The following ASMTL variants were observed in gnomAD, a reference collection of about 807,000 sequenced individuals.
The protein encoded by ASMTL is probable bifunctional dTTP/UTP pyrophosphatase/methyltransferase protein.
A neutral mutation model predicts 60.3 loss-of-function variants in ASMTL; 57 were observed. That is an observed-to-expected ratio of 0.95 (90% CI 0.76 to 1.18). ASMTL has a LOEUF of 1.18. Ranked by LOEUF, ASMTL falls within the 50% of genes most tolerant of loss-of-function variation. The probability of loss-of-function intolerance (pLI) is 0.00; values close to 1 mark genes in which losing one functional copy is unlikely to be tolerated. For missense variants in ASMTL, 981 were observed against 852.6 expected (o/e 1.15, Z -1.88); for synonymous variants, 419 against 373.0 (o/e 1.12, Z -1.42).
At chrX:1,418,946 G>C (rs377120381) in intron 10 of ASMTL, 36 bp downstream of exon 10, 11 of 1,610,968 alleles carry the variant, frequency 6.8e-6, no homozygotes, top group Middle Eastern at 2.2e-4. Context: ...CTTAATAAAC[G>C]AAAGTAAGGA....
intron 12 of ASMTL, among the ~76,000 whole-genome samples, chrX:1,404,027 CGGAT>C (rs1258788205): frequency 8.1e-6 from 1 of 122,930 alleles, no homozygotes; most frequent in Non-Finnish European, 1.7e-5. Flanking sequence ...GGCAGGTAGA[CGGAT>C]GGATAGATGG....
intron 9 of ASMTL, among the ~76,000 whole-genome samples, chrX:1,420,220 C>T (rs1269898717): frequency 6.6e-6 from 1 of 151,760 alleles, no homozygotes; most frequent in African/African-American, 2.4e-5. Context: ...CCATCTCTCT[C>T]CCTATCTCAC....
chrX:1,428,966 G>A (rs1429183042), intron 6 of ASMTL, among the ~76,000 whole-genome samples: 5 of 151,076 alleles, frequency 3.3e-5, no homozygotes, highest in South Asian at 2.1e-4. Context: ...GCGCGATCTC[G>A]GCTCCCTGCA....
intron 9 of ASMTL, among the ~76,000 whole-genome samples, chrX:1,420,935 C>G (rs1286136950): frequency 6.7e-6 from 1 of 149,600 alleles, no homozygotes; most frequent in Non-Finnish European, 1.5e-5. Flanking sequence ...AAAGTAGCTG[C>G]CTAATCATAC....
intron 9 of ASMTL, among the ~76,000 whole-genome samples, chrX:1,420,182 C>T (rs1438886627): frequency 6.6e-6 from 1 of 151,558 alleles, no homozygotes; most frequent in Non-Finnish European, 1.5e-5. Context: ...TCTCCGCCTC[C>T]CTCTGTCTCT....
intron 6 of ASMTL, among the ~76,000 whole-genome samples, chrX:1,428,834 A>G (rs35436106): frequency 0.13 from 19,018 of 146,190 alleles, 1,414 homozygotes; most frequent in Middle Eastern, 0.22. Flanking sequence ...CACTGTTCCT[A>G]TAAACCACAG....
In ASMTL at chrX:1,430,873, A is replaced by C. The variant is rs770222273; in HGVS notation, c.509+1396T>G. On this transcript the variant is annotated intron_variant, in intron 6 of 12. Transcript: ENST00000381317. ...ATTTATATATTTATATACTTTTATAATATAAAAATATATTTTATATAATTA... is the reference window on the plus strand; with the variant it reads ...ATTTATATATTTATATACTTTTATACTATAAAAATATATTTTATATAATTA... 4.1e-3 allele frequency among the ~76,000 whole-genome samples: 581 copies of C among 140,490 alleles called. 6 individuals are homozygous for C. Among genetic ancestry groups the C allele is most frequent in the African/African-American group, 0.014 (531 of 38,914 alleles). The allele number at this position is 140,490 out of a possible 152,430, so 92.2% of individuals were successfully genotyped here.
intron 3 of ASMTL, among the ~76,000 whole-genome samples, chrX:1,437,041 C>G (rs1340247175): frequency 1.3e-5 from 2 of 151,240 alleles, no homozygotes; most frequent in Non-Finnish European, 2.9e-5. Flanking sequence ...CAGACTCGTC[C>G]CTCTGTATCT....
At position 1,417,973 on chromosome X, in the gene ASMTL, C is replaced by T; in HGVS notation, c.1522G>A (p.Gly508Ser). Residue 508 changes from glycine (G) to serine (S), a missense_variant and splice_region_variant, in exon 11 of 13, where the codon GGT (glycine) becomes AGT (serine). By Grantham distance (56) the Gly-to-Ser change is moderately conservative. Coordinates refer to ENST00000381317, the MANE Select transcript of ASMTL (RefSeq NM_004192.4). ...CAGGGTGAACAGGAGGAGGGCTCAC[C>T]TGCTGCGAAGTGGATCTGCACTGCC... is the stretch of plus-strand genomic sequence containing the variant. Reference protein sequence around the residue: ...PQAVQIHFAAGDFFRDPLPSA... With the variant: ...PQAVQIHFAASDFFRDPLPSA... 1.2e-6 allele frequency: 2 copies of T among 1,606,328 alleles called. No homozygotes were observed. The highest frequency in any genetic ancestry group is 1.7e-6 in the Non-Finnish European group (2 of 1,174,874).
Sources: allele counts gnomAD v4.1 joint callset (sites outside exome capture counted in the v4.1 genomes callset), GRCh38; gene constraint gnomAD v4.1.1; transcripts MANE v1.5; gene names NCBI Gene and HGNC (gene_info 2026-07-23, HGNC 2026-07-21).